Variants in TRERF1 observed in about 807,000 individuals in gnomAD.
TRERF1 encodes the protein transcriptional regulating factor 1.
In TRERF1, 27 loss-of-function variants were observed where a neutral mutation model predicts 122.9. The ratio of observed to expected loss-of-function variants is 0.22; its 90% CI spans 0.16 to 0.30. The LOEUF (loss-of-function observed/expected upper bound fraction) is 0.30. Among genes scored for constraint, TRERF1 ranks in the 10% least tolerant of loss-of-function variants. The pLI is 1.00. For missense variants in TRERF1, 1,248 were observed against 1,560.3 expected (o/e 0.80, Z 3.37); for synonymous variants, 636 against 641.7 (o/e 0.99, Z 0.13).
chr6:42,322,395 T>C (rs1047523693), intron 3 of TRERF1, among the ~76,000 whole-genome samples: 11 of 152,000 alleles, frequency 7.2e-5, no homozygotes, highest in African/African-American at 2.2e-4. Context: ...CTCCAAGCAG[T>C]AGGTCTGGGT....
intron 2 of TRERF1, among the ~76,000 whole-genome samples, chr6:42,381,227 A>G (rs573912985): frequency 6.6e-6 from 1 of 151,844 alleles, no homozygotes; most frequent in African/African-American, 2.4e-5. Context: ...CCCCCATTGG[A>G]CTACAAGCTC....
At chr6:42,383,495 G>A (rs908790737) in intron 2 of TRERF1, among the ~76,000 whole-genome samples, 7 of 151,822 alleles carry the variant, frequency 4.6e-5, no homozygotes, top group African/African-American at 1.2e-4. Context: ...CCTTCCTCAC[G>A]TGTTCAACCC....
chr6:42,273,420 C>A (rs993136039), intron 4 of TRERF1, among the ~76,000 whole-genome samples: 5 of 152,052 alleles, frequency 3.3e-5, no homozygotes, highest in Admixed American at 3.3e-4. Context: ...AAACAATGAT[C>A]AAATATCCCA....
intron 2 of TRERF1, among the ~76,000 whole-genome samples, chr6:42,407,639 C>G (rs1360829240): frequency 2.0e-5 from 3 of 152,088 alleles, no homozygotes; most frequent in Admixed American, 6.5e-5. Flanking sequence ...AAATCCAGCT[C>G]CATGTGGAAG....
intron 2 of TRERF1, among the ~76,000 whole-genome samples, chr6:42,366,695 G>A (rs1772794047): frequency 1.3e-5 from 2 of 152,216 alleles, no homozygotes; most frequent in South Asian, 2.1e-4. Context: ...AGTCAGGACT[G>A]GGCAACCAGA....
intron 12 of TRERF1, among the ~76,000 whole-genome samples, chr6:42,255,338 T>TC (rs1776542623): frequency 6.6e-6 from 1 of 152,242 alleles, no homozygotes; most frequent in African/African-American, 2.4e-5. Context: ...AACAGCTGCA[T>TC]CAGTAATAAC....
chr6:42,387,630 AC>A (rs1294153121), intron 2 of TRERF1, among the ~76,000 whole-genome samples: 1 of 152,182 alleles, frequency 6.6e-6, no homozygotes, highest in Non-Finnish European at 1.5e-5. Flanking sequence ...GTGGGAGGCA[AC>A]GCCTCCCCAG....
At chr6:42,357,014 T>C (rs1413440901) in intron 3 of TRERF1, among the ~76,000 whole-genome samples, 1 of 151,654 alleles carries the variant, frequency 6.6e-6, no homozygotes, top group Non-Finnish European at 1.5e-5. Context: ...GAGAAACCAG[T>C]GGTAAGGGGT....
chr6:42,268,422 A>G lies in TRERF1; in HGVS notation c.1169T>C (p.Leu390Pro), dbSNP rs755087372. The change falls in exon 5 of 18, where the codon CTC becomes CCC. Residue 390 changes from leucine (L) to proline (P), a missense_variant. Physicochemically the swap from Leu to Pro is moderately conservative, Grantham distance 98. Around this residue, in one of 5 missense-constraint regions of TRERF1, gnomAD observed 946 missense variants for 1,073.0 expected, o/e 0.88. Coordinates refer to ENST00000372922, the Ensembl canonical transcript of TRERF1. The surrounding 1 kb of genome is among the most constrained non-coding windows in gnomAD (Gnocchi z 4.4). ...CTGGGACAGGTGGCTCTGCTGGTAG[A>G]GGGGGTGGCTGTAGGGCTGCTGGGG... 1 of 1,561,202 alleles carries G rather than the reference A, an allele frequency of 6.4e-7. No homozygotes were observed. Among genetic ancestry groups the G allele is most frequent in the Non-Finnish European group, 8.7e-7 (1 of 1,153,676 alleles).
At position 42,228,541 on chromosome 6, in the gene TRERF1, G is replaced by A. The variant is rs376070975; in HGVS notation, c.3407C>T (p.Thr1136Met). Residue 1136 changes from threonine to methionine, a missense_variant, in exon 18 of 18, where the codon ACG (threonine) becomes ATG (methionine). This residue lies in a region of TRERF1 where 84 missense variants were observed against 116.0 expected (regional missense o/e 0.72). Transcript: ENST00000372922. This position sits in a 1 kb window ranked among gnomAD's most constrained non-coding sequence, Gnocchi z 4.2. ...CAGCCCCGGCGCCCCCACGGGCCCCGTAGTCCTCTCAATCGTGGCTGCCAT... is the reference window on the plus strand; with the variant it reads ...CAGCCCCGGCGCCCCCACGGGCCCCATAGTCCTCTCAATCGTGGCTGCCAT... 6 of 1,614,046 alleles carry A rather than the reference G, an allele frequency of 3.7e-6. No individual in the cohort carries two copies. In the African/African-American group the frequency reaches 4.0e-5, roughly 11 times the overall value.
intron 3 of TRERF1, among the ~76,000 whole-genome samples, chr6:42,328,728 C>T (rs983074089): frequency 3.3e-5 from 5 of 152,170 alleles, no homozygotes; most frequent in African/African-American, 1.2e-4. Flanking sequence ...GCTGAAGAAT[C>T]TGCTCTGCTG....
At chr6:42,445,612 C>T (rs758687298) in intron 2 of TRERF1, among the ~76,000 whole-genome samples, 3 of 151,910 alleles carry the variant, frequency 2.0e-5, no homozygotes, top group Non-Finnish European at 4.4e-5. Flanking sequence ...TGATTCTGCC[C>T]GCCTCCCTCT....
chr6:42,246,601 G>T, intron 13 of TRERF1, 57 bp from the exon 14 acceptor site: 2 of 1,296,076 alleles, frequency 1.5e-6, no homozygotes, highest in Non-Finnish European at 2.2e-6. Context: ...GCTTTTAGTT[G>T]CTGGTTCATT....
intron 5 of TRERF1, among the ~76,000 whole-genome samples, chr6:42,267,326 C>T (rs571266344): frequency 6.6e-6 from 1 of 151,702 alleles, no homozygotes; most frequent in Non-Finnish European, 1.5e-5. Context: ...AGAGCAAGAC[C>T]CTGTCTAAAA....
intron 2 of TRERF1, among the ~76,000 whole-genome samples, chr6:42,447,797 C>A (rs906549888): frequency 1.3e-5 from 2 of 152,102 alleles, no homozygotes; most frequent in African/African-American, 4.8e-5. Context: ...CTCTGCCTCC[C>A]AGGTTCAAGC....
chr6:42,258,057 C>G, intron 10 of TRERF1, 78 bp downstream of exon 10: 7 of 1,264,686 alleles, frequency 5.5e-6, no homozygotes, highest in Non-Finnish European at 7.9e-6. Flanking sequence ...CAGTGTAATC[C>G]TCTGACTACA....
At chr6:42,278,577 G>A (rs530662564) in intron 4 of TRERF1, among the ~76,000 whole-genome samples, 1 of 152,164 alleles carries the variant, frequency 6.6e-6, no homozygotes, top group South Asian at 2.1e-4. Context: ...TGCCAGGGAT[G>A]AGGACCACTC....
At chr6:42,307,174 T>A (rs201543092) in intron 3 of TRERF1, among the ~76,000 whole-genome samples, 3 of 152,162 alleles carry the variant, frequency 2.0e-5, no homozygotes, top group East Asian at 3.9e-4. Context: ...ATACAATGTA[T>A]CACCTAAATG....
chr6:42,363,689 G>T, intron 2 of TRERF1, among the ~76,000 whole-genome samples: 1 of 152,206 alleles, frequency 6.6e-6, no homozygotes, highest in African/African-American at 2.4e-5. Flanking sequence ...AGGTCCTACT[G>T]AAGTAGGATG....
Sources: gnomAD v4.1 joint callset for allele counts (sites outside exome capture counted in the v4.1 genomes callset) on GRCh38, gnomAD v4.1.1 for gene constraint, gnomAD v4.1.1 regional missense constraint, Gnocchi (gnomAD v3.1) non-coding constraint, MANE v1.5 for transcripts, NCBI Gene and HGNC (gene_info 2026-07-23, HGNC 2026-07-21) for gene names.